Variants in ELAPOR2 observed in about 807,000 individuals in gnomAD.
The protein encoded by ELAPOR2 is endosome-lysosome associated apoptosis and autophagy regulator family member 2, also known as endosome/lysosome-associated apoptosis and autophagy regulator family member 2.
ELAPOR2 carries 89 observed loss-of-function variants against 120.7 expected under a neutral mutation model. The observed-to-expected ratio is 0.74, with a 90% CI of 0.62 to 0.88. ELAPOR2 has a LOEUF of 0.88. ELAPOR2 is among the 40% of genes least tolerant of loss of function. The probability of loss-of-function intolerance (pLI) is 0.00; values close to 1 mark genes in which losing one functional copy is unlikely to be tolerated. For missense variants in ELAPOR2, 1,134 were observed against 1,251.6 expected (o/e 0.91, Z 1.42); for synonymous variants, 444 against 444.9 (o/e 1.00, Z 0.03).
chr7:86,968,686 C>A (rs1047957881), intron 1 of ELAPOR2, among the ~76,000 whole-genome samples: 6 of 152,010 alleles, frequency 3.9e-5, no homozygotes, highest in African/African-American at 1.2e-4. Context: ...CCTATTTTAG[C>A]ATGCTTCACA....
intron 10 of ELAPOR2, among the ~76,000 whole-genome samples, chr7:86,924,846 T>TA (rs1382569289): frequency 6.6e-6 from 1 of 151,936 alleles, no homozygotes; most frequent in Middle Eastern, 3.2e-3. Context: ...AGTGAGCAGA[T>TA]AAAAAATGCC....
intron 1 of ELAPOR2, among the ~76,000 whole-genome samples, chr7:87,007,140 T>C (rs1333527977): frequency 6.6e-6 from 1 of 152,208 alleles, no homozygotes; most frequent in Non-Finnish European, 1.5e-5. Flanking sequence ...GATATGTGCA[T>C]GTGTCAAAGC....
At chr7:87,037,359 C>T (rs988551303) in intron 1 of ELAPOR2, among the ~76,000 whole-genome samples, 1 of 152,010 alleles carries the variant, frequency 6.6e-6, no homozygotes, top group Non-Finnish European at 1.5e-5. Flanking sequence ...CCCCCACCAC[C>T]ACCTCCTCCT....
At chr7:87,013,133 T>C (rs1295201784) in intron 1 of ELAPOR2, among the ~76,000 whole-genome samples, 1 of 152,160 alleles carries the variant, frequency 6.6e-6, no homozygotes, top group Non-Finnish European at 1.5e-5. Flanking sequence ...ACCACAAGAA[T>C]ATATGCAAAA....
At position 86,964,938 on chromosome 7, in the gene ELAPOR2, A is replaced by G; in HGVS notation, c.276T>C (p.Ser92=). ...TGCCTCTCACTGGGTCAGGCAGGCC[A>G]GAGCAGTCCACTGCAGAATTTGGAA... ...VAIPNSAVDC[S]GLPDPVRGKE... Residue 92 remains serine (S), a synonymous_variant, in exon 2 of 22, where the codon TCT becomes TCC. Coordinates refer to ENST00000450689, the MANE Select transcript of ELAPOR2 (RefSeq NM_001142749.3). 1 of 1,551,630 alleles carries G rather than the reference A, an allele frequency of 6.4e-7. No homozygotes were observed. Among genetic ancestry groups the G allele is most frequent in the Non-Finnish European group, 8.7e-7 (1 of 1,146,882 alleles).
intron 8 of ELAPOR2, among the ~76,000 whole-genome samples, chr7:86,931,511 C>T (rs1052702199): frequency 1.3e-5 from 2 of 151,906 alleles, no homozygotes; most frequent in Non-Finnish European, 2.9e-5. Context: ...GGCCTCTGTC[C>T]TCTAGATTCT....
At chr7:86,904,026 G>C in intron 18 of ELAPOR2, among the ~76,000 whole-genome samples, 1 of 152,060 alleles carries the variant, frequency 6.6e-6, no homozygotes, top group African/African-American at 2.4e-5. Context: ...GGCAAGATGA[G>C]AGCATTATGG....
At chr7:86,884,564 T>C (rs1321865736) in intron 21 of ELAPOR2, among the ~76,000 whole-genome samples, 3 of 152,174 alleles carry the variant, frequency 2.0e-5, no homozygotes, top group African/African-American at 7.2e-5. Flanking sequence ...TTAAGTATGC[T>C]TGAATTTTGG....
chr7:86,922,250 T>C (rs1789865354), intron 10 of ELAPOR2, among the ~76,000 whole-genome samples: 2 of 152,016 alleles, frequency 1.3e-5, no homozygotes, highest in Admixed American at 1.3e-4. Flanking sequence ...CATTCCCTTC[T>C]AGTCTTTGTC....
Position 86,938,787 on chromosome 7 carries a change from C to T in ELAPOR2, c.1000+21G>A, listed in dbSNP as rs376113608. 135 of 1,610,256 alleles carry T rather than the reference C, an allele frequency of 8.4e-5. 1 individual carries two copies. Among genetic ancestry groups the T allele is most frequent in the Non-Finnish European group, 1.0e-4 (119 of 1,177,424 alleles). On this transcript the variant is annotated intron_variant, in intron 7 of 21. Transcript: ENST00000450689. Reference sequence around the variant, plus strand: ...CAACATACATTTAGAAAGAAAAAAGCAGAGTATAAACTAGTTCTACCTGAA... The same window carrying T: ...CAACATACATTTAGAAAGAAAAAAGTAGAGTATAAACTAGTTCTACCTGAA...
At chr7:86,928,752 C>T (rs1279207056) in intron 8 of ELAPOR2, among the ~76,000 whole-genome samples, 1 of 151,868 alleles carries the variant, frequency 6.6e-6, no homozygotes, top group African/African-American at 2.4e-5. Flanking sequence ...TCAATACATG[C>T]AAACTTCTTA....
chr7:86,891,446 C>G (rs368666834), intron 21 of ELAPOR2: 46 of 305,578 alleles, frequency 1.5e-4, no homozygotes, highest in African/African-American at 8.7e-4. Flanking sequence ...ACATAGCTAT[C>G]TCAATCTTTA....
chr7:87,026,102 T>C (rs1167316830), intron 1 of ELAPOR2, among the ~76,000 whole-genome samples: 1 of 152,046 alleles, frequency 6.6e-6, no homozygotes, highest in African/African-American at 2.4e-5. Context: ...AAGAAAGCAC[T>C]GAGAAAAAGA....
At chr7:87,002,693 C>T (rs769301705) in intron 1 of ELAPOR2, among the ~76,000 whole-genome samples, 1 of 152,080 alleles carries the variant, frequency 6.6e-6, no homozygotes, top group Non-Finnish European at 1.5e-5. Context: ...CCAATGCCTC[C>T]CACTCAACTA....
intron 1 of ELAPOR2, among the ~76,000 whole-genome samples, chr7:87,021,679 T>G (rs578250431): frequency 6.6e-6 from 1 of 152,322 alleles, no homozygotes; most frequent in South Asian, 2.1e-4. Flanking sequence ...CCAGACAGTC[T>G]TTAATCATTT....
In ELAPOR2 at chr7:87,049,929, T is replaced by C. The variant is rs1176346776; in HGVS notation, c.189+9396A>G. Among the ~76,000 whole-genome samples, 3 of 152,302 alleles carry C rather than the reference T, an allele frequency of 2.0e-5. No individual in the cohort carries two copies. The East Asian group carries it at 5.8e-4, about 29-fold the overall frequency. On this transcript the variant is annotated intron_variant, in intron 1 of 21. Transcript: ENST00000450689. Reference sequence around the variant, plus strand: ...CATCCTCATATATGGCTGATGGCATTACTGCAGGAATAGGTTCCTTATAAA... The same window carrying C: ...CATCCTCATATATGGCTGATGGCATCACTGCAGGAATAGGTTCCTTATAAA...
At chr7:86,984,663 A>T (rs1376461392) in intron 1 of ELAPOR2, among the ~76,000 whole-genome samples, 3 of 152,268 alleles carry the variant, frequency 2.0e-5, no homozygotes, top group Non-Finnish European at 2.9e-5. Flanking sequence ...ATGTACCAGT[A>T]TCTCTGGGAC....
chr7:86,990,975 T>C (rs1792925649), intron 1 of ELAPOR2, among the ~76,000 whole-genome samples: 1 of 152,210 alleles, frequency 6.6e-6, no homozygotes, highest in Non-Finnish European at 1.5e-5. Context: ...GTTCCTTTAA[T>C]CTATATGGTA....
intron 1 of ELAPOR2, among the ~76,000 whole-genome samples, chr7:87,048,299 T>TA (rs1357633827): frequency 6.7e-6 from 1 of 150,250 alleles, no homozygotes; most frequent in Non-Finnish European, 1.5e-5. Context: ...TATTCAGACA[T>TA]AAAAAAAGAA....
Sources: gnomAD v4.1 joint callset for allele counts (sites outside exome capture counted in the v4.1 genomes callset) on GRCh38, gnomAD v4.1.1 for gene constraint, MANE v1.5 for transcripts, NCBI Gene and HGNC (gene_info 2026-07-23, HGNC 2026-07-21) for gene names.